PRKG1: variants seen among roughly 807,000 people sequenced by gnomAD.
PRKG1 encodes the protein protein kinase cGMP-dependent 1.
A neutral mutation model predicts 88.1 loss-of-function variants in PRKG1; 35 were observed. The ratio of observed to expected loss-of-function variants is 0.40; its 90% CI spans 0.30 to 0.53. PRKG1 has a LOEUF of 0.53. Ranked by LOEUF, PRKG1 falls within the 20% of genes least tolerant of loss-of-function variation. The probability of loss-of-function intolerance (pLI) is 0.59; values close to 1 mark genes in which losing one functional copy is unlikely to be tolerated. For missense variants in PRKG1, 540 were observed against 839.8 expected (o/e 0.64, Z 4.41); for synonymous variants, 303 against 292.5 (o/e 1.04, Z -0.37).
At chr10:51,011,684 A>T (rs10822081) in intron 1 of PRKG1, among the ~76,000 whole-genome samples, 2 of 152,176 alleles carry the variant, frequency 1.3e-5, no homozygotes, top group Admixed American at 6.5e-5. Context: ...AAGGATTTGC[A>T]GCCACTTAAT....
intron 5 of PRKG1, among the ~76,000 whole-genome samples, chr10:51,935,202 G>A (rs1313141052): frequency 2.0e-5 from 3 of 152,062 alleles, no homozygotes; most frequent in African/African-American, 7.2e-5. Flanking sequence ...TCAAGAGTAG[G>A]GGACATCAGC....
intron 9 of PRKG1, among the ~76,000 whole-genome samples, chr10:52,191,304 G>GAACAC (rs1209637405): frequency 6.6e-6 from 1 of 151,542 alleles, no homozygotes; most frequent in African/African-American, 2.4e-5. Context: ...AACACAGCAG[G>GAACAC]AGTGGCAGGA....
chr10:52,192,458 T>G (rs1839390917), intron 9 of PRKG1, among the ~76,000 whole-genome samples: 1 of 152,146 alleles, frequency 6.6e-6, no homozygotes. Context: ...ATGCTCTACC[T>G]AATCTTGCAG....
At chr10:52,173,942 T>G (rs757204129) in intron 9 of PRKG1, among the ~76,000 whole-genome samples, 2 of 152,116 alleles carry the variant, frequency 1.3e-5, no homozygotes, top group African/African-American at 4.8e-5. Context: ...TAATTACTTA[T>G]CAGTTTTACT....
rs139590566 is a variant in PRKG1 at position 51,301,542 on chromosome 10, T to C, written c.478+148212T>C. On this transcript the variant is annotated intron_variant, in intron 2 of 17. Coordinates refer to ENST00000373980, the MANE Select transcript of PRKG1 (RefSeq NM_006258.4). ...TGCAGAGAATTGGCTTATATTTTAT[T>C]TGGAAACTAATGTTTAAGTCAAATG... Among the ~76,000 whole-genome samples the C allele has an allele frequency of 5.2e-3, 789 of 152,312 alleles. 10 individuals carry two copies. Among genetic ancestry groups the C allele is most frequent in the African/African-American group, 0.018 (758 of 41,560 alleles).
At chr10:51,035,521 C>CT (rs1843341771) in intron 1 of PRKG1, among the ~76,000 whole-genome samples, 1 of 152,158 alleles carries the variant, frequency 6.6e-6, no homozygotes, top group Non-Finnish European at 1.5e-5. Context: ...TGATACCTGA[C>CT]TGGCAGGTAT....
chr10:51,313,523 T>C (rs1422041409), intron 2 of PRKG1, among the ~76,000 whole-genome samples: 2 of 152,188 alleles, frequency 1.3e-5, no homozygotes, highest in Admixed American at 1.3e-4. Context: ...TCAGAGTAAC[T>C]TCTTTGGACC....
At chr10:51,997,890 C>T (rs2133142756) in intron 5 of PRKG1, among the ~76,000 whole-genome samples, 1 of 152,036 alleles carries the variant, frequency 6.6e-6, no homozygotes, top group East Asian at 1.9e-4. Context: ...TTTTTATTCT[C>T]TCTTGTCTTA....
At chr10:51,932,516 T>C (rs1356860551) in intron 5 of PRKG1, among the ~76,000 whole-genome samples, 1 of 152,172 alleles carries the variant, frequency 6.6e-6, no homozygotes, top group Non-Finnish European at 1.5e-5. Context: ...TGGATTGGGA[T>C]CTAGATCTGC....
chr10:51,844,604 T>C (rs1055212781), intron 4 of PRKG1, among the ~76,000 whole-genome samples: 1 of 152,144 alleles, frequency 6.6e-6, no homozygotes, highest in South Asian at 2.1e-4. Flanking sequence ...AAAAATGATT[T>C]GACACTGAAA....
intron 3 of PRKG1, among the ~76,000 whole-genome samples, chr10:51,776,879 A>G (rs1838453211): frequency 6.6e-6 from 1 of 152,132 alleles, no homozygotes; most frequent in South Asian, 2.1e-4. Context: ...AGACTATATG[A>G]TGAGGCAAGA....
intron 2 of PRKG1, among the ~76,000 whole-genome samples, chr10:51,204,094 T>C (rs74565104): frequency 0.011 from 1,613 of 152,356 alleles, 35 homozygotes; most frequent in African/African-American, 0.036. Flanking sequence ...TAGAAACTTA[T>C]GTATTTCATT....
intron 2 of PRKG1, among the ~76,000 whole-genome samples, chr10:51,239,128 A>C (rs1839082981): frequency 6.6e-6 from 1 of 152,192 alleles, no homozygotes; most frequent in Non-Finnish European, 1.5e-5. Flanking sequence ...TGCTCTGTAG[A>C]AGTAAATTAA....
At chr10:51,363,005 C>T (rs1376882949) in intron 2 of PRKG1, among the ~76,000 whole-genome samples, 2 of 151,828 alleles carry the variant, frequency 1.3e-5, no homozygotes, top group Non-Finnish European at 1.5e-5. Flanking sequence ...TCCTAGTCAC[C>T]TTCCAGAATT....
At chr10:51,229,781 G>A (rs371815729) in intron 2 of PRKG1, among the ~76,000 whole-genome samples, 21 of 151,894 alleles carry the variant, frequency 1.4e-4, no homozygotes, top group Admixed American at 4.6e-4. Flanking sequence ...ATAAAAATTA[G>A]CCTAACATGG....
At chr10:51,445,514 C>G (rs1839245715) in intron 2 of PRKG1, among the ~76,000 whole-genome samples, 1 of 151,716 alleles carries the variant, frequency 6.6e-6, no homozygotes, top group African/African-American at 2.4e-5. Flanking sequence ...TGCCACATAT[C>G]AGCTTTAGGT....
intron 8 of PRKG1, among the ~76,000 whole-genome samples, chr10:52,153,161 C>T (rs1033682055): frequency 7.2e-5 from 11 of 151,996 alleles, no homozygotes; most frequent in South Asian, 2.1e-4. Flanking sequence ...TCAGCCCATC[C>T]ATTGTGGACA....
At chr10:51,298,619 A>G (rs917993544) in intron 2 of PRKG1, among the ~76,000 whole-genome samples, 8 of 152,238 alleles carry the variant, frequency 5.3e-5, no homozygotes, top group African/African-American at 1.9e-4. Context: ...TTATAAAACT[A>G]TAAGCCTGGA....
intron 3 of PRKG1, chr10:51,695,547 A>G (rs1230527689): frequency 6.6e-6 from 1 of 152,226 alleles, no homozygotes; most frequent in African/African-American, 2.4e-5. Context: ...CTAAAGACTA[A>G]CATTTAATAA....
Sources: gnomAD v4.1 joint callset for allele counts (sites outside exome capture counted in the v4.1 genomes callset) on GRCh38, gnomAD v4.1.1 for gene constraint, MANE v1.5 for transcripts, NCBI Gene and HGNC (gene_info 2026-07-23, HGNC 2026-07-21) for gene names.